Variants in CCDC3 observed in about 807,000 individuals in gnomAD.
CCDC3 encodes coiled-coil domain-containing protein 3.
CCDC3 carries 24 observed loss-of-function variants against 21.4 expected under a neutral mutation model. The ratio of observed to expected loss-of-function variants is 1.12; its 90% CI spans 0.81 to 1.58. CCDC3 has a LOEUF of 1.58. CCDC3 is among the 40% of genes most tolerant of loss of function. The pLI is 0.00. For missense variants in CCDC3, 425 were observed against 360.9 expected (o/e 1.18, Z -1.44); for synonymous variants, 186 against 166.0 (o/e 1.12, Z -0.93).
At chr10:13,053,109 T>C (rs911938966) in intron 4 of CCDC3, among the ~76,000 whole-genome samples, 19 of 152,166 alleles carry the variant, frequency 1.2e-4, no homozygotes, top group Non-Finnish European at 2.4e-4. Flanking sequence ...AAAAAGGATT[T>C]TTCCTCTCCA....
In CCDC3 at chr10:13,047,665, G is replaced by C. The variant is rs140946173; in HGVS notation, c.-2+2009C>G. On this transcript the variant is annotated intron_variant, in intron 5 of 6. Coordinates refer to the CCDC3 transcript ENST00000378839. ...CTGCTCCGGAGCCCAGTGTGGTCCT[G>C]GCAACTGCAAGCTGGATCTCCATCC... is the stretch of plus-strand genomic sequence containing the variant. Among the ~76,000 whole-genome samples, 21 of 152,236 alleles carry C rather than the reference G, an allele frequency of 1.4e-4. No homozygotes were observed. The Middle Eastern group carries it at 0.01, about 74-fold the overall frequency.
At chr10:13,036,957 T>G (rs914370732) in intron 5 of CCDC3, among the ~76,000 whole-genome samples, 3 of 151,924 alleles carry the variant, frequency 2.0e-5, no homozygotes, top group African/African-American at 7.3e-5. Context: ...TTTTCTTTGT[T>G]TATTTTTTGT....
Position 13,060,234 on chromosome 10 carries a change from A to G in CCDC3, c.-269-10293T>C, listed in dbSNP as rs545657275. 5.7e-4 allele frequency among the ~76,000 whole-genome samples: 87 copies of G among 152,290 alleles called. 1 individual carries two copies. Among genetic ancestry groups the G allele is most frequent in the African/African-American group, 2.0e-3 (84 of 41,574 alleles). ...GCCTCAGACCTTGGAACTCAACCCC[A>G]TGGAAGACGTGACCTTGCTGTGCGT... On this transcript the variant is annotated intron_variant, in intron 4 of 6. Coordinates refer to the CCDC3 transcript ENST00000378839.
At position 12,947,378 on chromosome 10, in the gene CCDC3, C is replaced by T. The variant is rs568555056; in HGVS notation, c.550-48699G>A. 4.6e-5 allele frequency among the ~76,000 whole-genome samples: 7 copies of T among 152,174 alleles called. No individual in the cohort carries two copies. The South Asian group carries it at 1.5e-3, about 32-fold the overall frequency. ...GGCCAGGCTGGTCTGGAACTCCTGA[C>T]CTCCAGTGATCTGCCTGCCTTGGCC... On this transcript the variant is annotated intron_variant, in intron 2 of 2. Transcript: ENST00000378825.
chr10:12,957,916 G>C (rs184151575), intron 2 of CCDC3, among the ~76,000 whole-genome samples: 127 of 152,200 alleles, frequency 8.3e-4, no homozygotes, highest in African/African-American at 3.0e-3. Context: ...CGTGATCTTG[G>C]CCTCCTGGGT....
At chr10:12,936,887 G>A (rs1416650494) in intron 2 of CCDC3, among the ~76,000 whole-genome samples, 2 of 152,234 alleles carry the variant, frequency 1.3e-5, no homozygotes, top group Non-Finnish European at 2.9e-5. Context: ...AGTAACCACT[G>A]CACTCCAGCC....
At chr10:12,972,189 C>G (rs776679126) in intron 2 of CCDC3, among the ~76,000 whole-genome samples, 1 of 152,190 alleles carries the variant, frequency 6.6e-6, no homozygotes. Flanking sequence ...TGCCCTTAAA[C>G]TCAACCCCAC....
intron 4 of CCDC3, among the ~76,000 whole-genome samples, chr10:13,051,226 C>A (rs1836603293): frequency 6.7e-6 from 1 of 149,660 alleles, no homozygotes; most frequent in African/African-American, 2.4e-5. Context: ...TCACAGCCTG[C>A]AAATTAGTGG....
At chr10:13,005,695 A>G (rs1261492368), upstream of CCDC3, among the ~76,000 whole-genome samples, 2 of 152,206 alleles carry the variant, frequency 1.3e-5, no homozygotes, top group African/African-American at 4.8e-5. Context: ...CCTGTTTGCC[A>G]TAAATACTTT....
chr10:12,998,296 T>C (rs773093980), intron 2 of CCDC3, 42 bp downstream of exon 2: 5 of 1,593,034 alleles, frequency 3.1e-6, no homozygotes, highest in African/African-American at 1.3e-5. Flanking sequence ...GGTGTAGCTA[T>C]ACTATTGTTT....
chr10:13,022,499 T>C (rs1037635241), intron 5 of CCDC3, among the ~76,000 whole-genome samples: 2 of 152,192 alleles, frequency 1.3e-5, no homozygotes, highest in African/African-American at 4.8e-5. Context: ...CAGCTATAAA[T>C]GCAGTGGTAT....
chr10:12,973,862 T>TCA (rs1835377679), intron 2 of CCDC3, among the ~76,000 whole-genome samples: 8 of 152,224 alleles, frequency 5.3e-5, no homozygotes, highest in Non-Finnish European at 8.8e-5. Context: ...GATGTGGTTT[T>TCA]TTAAAATAAA....
intron 5 of CCDC3, among the ~76,000 whole-genome samples, chr10:13,038,245 T>C (rs113947825): frequency 0.022 from 3,365 of 150,720 alleles, 123 homozygotes; most frequent in African/African-American, 0.076. Flanking sequence ...TCAGGAAGAG[T>C]AGTTAATGGA....
At chr10:13,017,777 C>T (rs1245407422) in intron 5 of CCDC3, among the ~76,000 whole-genome samples, 2 of 152,112 alleles carry the variant, frequency 1.3e-5, no homozygotes, top group African/African-American at 4.8e-5. Context: ...ATGAAACAGA[C>T]TCTATCCCAT....
At chr10:13,068,620 A>T (rs1178277944) in intron 4 of CCDC3, among the ~76,000 whole-genome samples, 1 of 152,174 alleles carries the variant, frequency 6.6e-6, no homozygotes. Flanking sequence ...GAACAGTTTG[A>T]CTTGCCTGCT....
At chr10:12,908,754 G>A (rs1013503462) in intron 2 of CCDC3, among the ~76,000 whole-genome samples, 2 of 151,800 alleles carry the variant, frequency 1.3e-5, no homozygotes, top group African/African-American at 2.4e-5. Flanking sequence ...CACCATGCCC[G>A]GCTACTTTTT....
At chr10:13,054,350 T>C (rs1836654564) in intron 4 of CCDC3, among the ~76,000 whole-genome samples, 1 of 152,044 alleles carries the variant, frequency 6.6e-6, no homozygotes, top group Non-Finnish European at 1.5e-5. Flanking sequence ...CAGCTACTCA[T>C]CCTATCCTAC....
chr10:12,979,765 C>A (rs539109571), intron 2 of CCDC3, among the ~76,000 whole-genome samples: 1 of 152,244 alleles, frequency 6.6e-6, no homozygotes, highest in South Asian at 2.1e-4. Flanking sequence ...GCTAAATAAA[C>A]CGCTACTGAC....
At chr10:13,084,200 G>A (rs1359055387) in intron 3 of CCDC3, among the ~76,000 whole-genome samples, 35 of 151,904 alleles carry the variant, frequency 2.3e-4, no homozygotes, top group Non-Finnish European at 1.2e-4. Context: ...TATACCTAGG[G>A]TGGACATGTT....
Sources: allele counts gnomAD v4.1 joint callset (sites outside exome capture counted in the v4.1 genomes callset), GRCh38; gene constraint gnomAD v4.1.1; transcripts MANE v1.5; gene names NCBI Gene and HGNC (gene_info 2026-07-23, HGNC 2026-07-21).